HABP4: variants seen among roughly 807,000 people sequenced by gnomAD.
HABP4 encodes hyaluronan binding protein 4.
A neutral mutation model predicts 44.1 loss-of-function variants in HABP4; 32 were observed. That is an observed-to-expected ratio of 0.73 (90% confidence interval 0.55 to 0.97). The LOEUF (loss-of-function observed/expected upper bound fraction) is 0.97. Ranked by LOEUF, HABP4 falls within the 50% of genes least tolerant of loss-of-function variation. The pLI is 0.00. For synonymous variants in HABP4, 216 were observed against 218.0 expected, an observed-to-expected ratio of 0.99 and a Z score of 0.08; for missense variants, 503 against 561.9, an observed-to-expected ratio of 0.90 and a Z score of 1.06.
chr9:96,454,284 C>G (rs1016192779), intron 1 of HABP4, among the ~76,000 whole-genome samples: 1 of 152,140 alleles, frequency 6.6e-6, no homozygotes, highest in Admixed American at 6.5e-5. Context: ...TAAAATAACT[C>G]TTTTTACGCT....
chr9:96,488,360 G>A lies in HABP4; in HGVS notation c.1185+86G>A, dbSNP rs1195829923. The A allele has an allele frequency of 8.1e-5, 68 of 840,128 alleles. No individual in the cohort carries two copies. The highest frequency in any genetic ancestry group is 1.2e-4 in the Non-Finnish European group (63 of 545,060). The allele number at this position is 840,128 out of a possible 1,614,324, so 52.0% of individuals were successfully genotyped here. On this transcript the variant is annotated intron_variant, in intron 7 of 7. Transcript: ENST00000375249. The surrounding 1 kb of genome is among the most constrained non-coding windows in gnomAD (Gnocchi z 4.6). ...GGATGGTCTAATTTCAGAGGGTCAT[G>A]AGTTTCTGCAGTCACTTCTTTCTGT... is the stretch of plus-strand genomic sequence containing the variant.
chr9:96,480,725 T>C (rs1352279623), intron 5 of HABP4, among the ~76,000 whole-genome samples: 3 of 152,258 alleles, frequency 2.0e-5, no homozygotes, highest in African/African-American at 7.2e-5. Context: ...TTTTTTCTTC[T>C]GATATAAAAT....
chr9:96,487,975 G>C (rs953879357), intron 6 of HABP4, 114 bp from the exon 7 acceptor site: 32 of 752,396 alleles, frequency 4.3e-5, no homozygotes, highest in Non-Finnish European at 4.7e-6. Flanking sequence ...GAATGGCTCT[G>C]ACTAGCCCCT....
chr9:96,452,911 G>GTTT lies in HABP4; in HGVS notation c.349+2308_349+2310dup, dbSNP rs71368266. Among the ~76,000 whole-genome samples, 31 of 63,178 alleles carry GTTT rather than the reference G, an allele frequency of 4.9e-4. 2 individuals carry two copies. Among genetic ancestry groups the GTTT allele is most frequent in the African/African-American group, 1.1e-3 (14 of 12,180 alleles). The allele number at this position is 63,178 out of a possible 152,430, so 41.4% of individuals were successfully genotyped here. On this transcript the variant is annotated intron_variant, in intron 1 of 7. Transcript: ENST00000375249. The stretch of plus-strand genomic sequence containing the variant: ...TCACAAGCTTTTCCTATGGAAAAGG[G>GTTT]TTTTTTTTTTTTTTTTTTTTTTTTT...
intron 7 of HABP4, among the ~76,000 whole-genome samples, chr9:96,489,764 G>A (rs1374660782): frequency 1.3e-5 from 2 of 152,230 alleles, no homozygotes; most frequent in Non-Finnish European, 2.9e-5. Flanking sequence ...GACGTAGGAA[G>A]GGAGGCAGCT....
At chr9:96,481,574 CT>C (rs1342462358) in intron 5 of HABP4, among the ~76,000 whole-genome samples, 1 of 151,926 alleles carries the variant, frequency 6.6e-6, no homozygotes, top group African/African-American at 2.4e-5. Context: ...GAGACCCCGT[CT>C]CTACAAAATG....
intron 5 of HABP4, among the ~76,000 whole-genome samples, chr9:96,482,290 TCCC>T (rs1184606255): frequency 1.3e-5 from 2 of 152,212 alleles, no homozygotes; most frequent in African/African-American, 2.4e-5. Flanking sequence ...TAACACTAAC[TCCC>T]CATTTCTCCT....
At chr9:96,450,138 G>A (rs1405437662), upstream of HABP4, 9 of 837,382 alleles carry the variant, frequency 1.1e-5, no homozygotes, top group Non-Finnish European at 3.0e-6. The surrounding 1 kb of genome is among the most constrained non-coding windows in gnomAD (Gnocchi z 4.8). Context: ...CGGCGCCGCG[G>A]GGGCGGGCGC....
chr9:96,475,711 G>C (rs928602504), intron 5 of HABP4, among the ~76,000 whole-genome samples: 1 of 152,212 alleles, frequency 6.6e-6, no homozygotes, highest in Non-Finnish European at 1.5e-5. Flanking sequence ...GCCCTGGAAG[G>C]TAAGAGCTGC....
At chr9:96,467,527 C>CTTTTTTTTTTTTTTTT (rs566272718) in intron 4 of HABP4, among the ~76,000 whole-genome samples, 1 of 118,138 alleles carries the variant, frequency 8.5e-6, no homozygotes. Context: ...TCTTTTTTTC[C>CTTTTTTTTTTTTTTTT]TTTTTTTTTT....
chr9:96,450,996 A>G lies in HABP4; in HGVS notation c.349+368A>G, dbSNP rs1298148460. 6.6e-6 allele frequency among the ~76,000 whole-genome samples: 1 copy of G among 152,040 alleles called. No individual in the cohort carries two copies. On this transcript the variant is annotated intron_variant, in intron 1 of 7. Transcript: ENST00000375249. The surrounding 1 kb of genome is among the most constrained non-coding windows in gnomAD (Gnocchi z 4.8). ...GGCGGGGACCTTCATCTTCCAGCCCAGCCTCTGCAAGATTGAGGTCGGAGC... is the reference window on the plus strand; with the variant it reads ...GGCGGGGACCTTCATCTTCCAGCCCGGCCTCTGCAAGATTGAGGTCGGAGC...
chr9:96,471,080 G>A lies in HABP4; in HGVS notation c.813G>A (p.Glu271=). The A allele has an allele frequency of 6.4e-7, 1 of 1,570,708 alleles. No individual in the cohort carries two copies. The highest frequency in any genetic ancestry group is 1.3e-5 in the African/African-American group (1 of 74,194). ...VVEESQGTPE[E]ESPAKVPELE... Reference sequence around the variant, plus strand: ...AGGAGTCCCAGGGCACCCCGGAAGAGGAGTCTCCAGCCAAGTAGGGCATTT... The same window carrying A: ...AGGAGTCCCAGGGCACCCCGGAAGAAGAGTCTCCAGCCAAGTAGGGCATTT... Residue 271 remains glutamate, a synonymous_variant, in exon 5 of 8, where the codon GAG becomes GAA. Coordinates refer to ENST00000375249, the MANE Select transcript of HABP4 (RefSeq NM_014282.4).
chr9:96,465,302 A>C, intron 2 of HABP4, 35 bp from the exon 3 acceptor site: 1 of 1,459,936 alleles, frequency 6.8e-7, no homozygotes, highest in East Asian at 2.3e-5. Context: ...TAGACCTTTA[A>C]TTTACCAGTT....
At chr9:96,457,926 T>A (rs1285238624) in intron 1 of HABP4, among the ~76,000 whole-genome samples, 3 of 152,132 alleles carry the variant, frequency 2.0e-5, no homozygotes, top group Non-Finnish European at 2.9e-5. Context: ...AACAAAAACC[T>A]TAGTAGCCAG....
rs1366336212 is a variant in HABP4, at chr9:96,488,952, C to T, written c.1185+678C>T. Among the ~76,000 whole-genome samples the T allele has an allele frequency of 2.6e-5, 4 of 152,138 alleles. No homozygotes were observed. Among genetic ancestry groups the T allele is most frequent in the Non-Finnish European group, 5.9e-5 (4 of 68,018 alleles). ...GGTCAGCGGCTGCTTTTGCTCATTA[C>T]CGGTTTACGCAGTGCCACGCAGTGC... is the stretch of plus-strand genomic sequence containing the variant. On this transcript the variant is annotated intron_variant, in intron 7 of 7. Transcript: ENST00000375249. This position sits in a 1 kb window ranked among gnomAD's most constrained non-coding sequence, Gnocchi z 4.6.
At chr9:96,451,877 C>T (rs1339536296) in intron 1 of HABP4, among the ~76,000 whole-genome samples, 2 of 152,078 alleles carry the variant, frequency 1.3e-5, no homozygotes, top group Admixed American at 6.6e-5. Flanking sequence ...AACTTATTTA[C>T]ATCAATATAA....
chr9:96,459,557 C>A (rs1161575328), intron 2 of HABP4, among the ~76,000 whole-genome samples: 1 of 152,126 alleles, frequency 6.6e-6, no homozygotes, highest in Non-Finnish European at 1.5e-5. Flanking sequence ...AGTAGTGAAT[C>A]ACATTTCAAG....
At chr9:96,476,901 T>C (rs1832794016) in intron 5 of HABP4, among the ~76,000 whole-genome samples, 1 of 152,268 alleles carries the variant, frequency 6.6e-6, no homozygotes, top group Admixed American at 6.5e-5. Flanking sequence ...TGTGCCTCTA[T>C]TCTTGAATGA....
chr9:96,453,087 A>ATT lies in HABP4; in HGVS notation c.349+2480_349+2481dup, dbSNP rs898977695. On this transcript the variant is annotated intron_variant, in intron 1 of 7. Coordinates refer to ENST00000375249, the MANE Select transcript of HABP4 (RefSeq NM_014282.4). ...AGGCATCTGCCACCATGCCCGGCTA[A>ATT]TTTTTTTTTTTTTTTTTTTTTTGAG... Among the ~76,000 whole-genome samples the ATT allele has an allele frequency of 1.8e-3, 165 of 92,578 alleles. 9 individuals carry two copies. The highest frequency in any genetic ancestry group is 5.6e-3 in the Middle Eastern group (1 of 180). 60.7% of individuals were successfully genotyped at this position (92,578 alleles called of 152,430 possible). A position where few individuals can be genotyped will look rare whatever the true frequency, so the allele number is the denominator to read the frequency against.
Sources: gnomAD v4.1 joint callset for allele counts (sites outside exome capture counted in the v4.1 genomes callset) on GRCh38, gnomAD v4.1.1 for gene constraint, Gnocchi (gnomAD v3.1) non-coding constraint, MANE v1.5 for transcripts, NCBI Gene and HGNC (gene_info 2026-07-23, HGNC 2026-07-21) for gene names.